Variants in SHANK2 observed in about 807,000 individuals in gnomAD.
The protein encoded by SHANK2 is SH3 and multiple ankyrin repeat domains 2, also known as SH3 and multiple ankyrin repeat domains protein 2.
In SHANK2, 43 loss-of-function variants were observed where a neutral mutation model predicts 133.7. The observed-to-expected ratio is 0.32, with a 90% CI of 0.25 to 0.41. The LOEUF (loss-of-function observed/expected upper bound fraction) is 0.41, where lower values mean the gene tolerates loss of function less well. Among genes scored for constraint, SHANK2 ranks in the 10% least tolerant of loss-of-function variants. The probability of loss-of-function intolerance (pLI) is 1.00; values close to 1 mark genes in which losing one functional copy is unlikely to be tolerated. For missense variants in SHANK2, 1,994 were observed against 2,235.8 expected, an observed-to-expected ratio of 0.89 and a Z score of 2.18; for synonymous variants, 1,017 against 952.8, an observed-to-expected ratio of 1.07 and a Z score of -1.24.
chr11:70,473,477 G>C lies in SHANK2; in HGVS notation c.4980-38C>G. On this transcript the variant is annotated intron_variant, in intron 25 of 25. Transcript: ENST00000601538. The surrounding 1 kb of genome is among the most constrained non-coding windows in gnomAD (Gnocchi z 5.9). ...CACAGAGAAAACCATCACAAGGCAG[G>C]TCACCGAGTCAGGGCAGCTGGCTGC... The C allele has an allele frequency of 6.3e-7, 1 of 1,593,966 alleles. No individual in the cohort carries two copies. The highest frequency in any genetic ancestry group is 1.1e-5 in the South Asian group (1 of 90,780).
Position 70,948,825 on chromosome 11 carries a change from T to A in SHANK2, c.1108-52258A>T, listed in dbSNP as rs61563254. ...AGAGAAGCTGGAAAGCTGAATTTTT[T>A]AATGAAATTCCTGGAAGTTTAAATA... On this transcript the variant is annotated intron_variant, in intron 10 of 25. Coordinates refer to ENST00000601538, the MANE Select transcript of SHANK2 (RefSeq NM_012309.5). Among the ~76,000 whole-genome samples the A allele has an allele frequency of 7.3e-3, 1,117 of 152,362 alleles. 9 individuals are homozygous for A. Among genetic ancestry groups the A allele is most frequent in the African/African-American group, 0.024 (986 of 41,576 alleles).
chr11:70,536,084 G>A (rs141937179), intron 17 of SHANK2, among the ~76,000 whole-genome samples: 18 of 152,304 alleles, frequency 1.2e-4, no homozygotes, highest in East Asian at 9.7e-4. Context: ...CCCAGCCACC[G>A]ACAGCACCAT....
In SHANK2 at chr11:71,188,105, C is replaced by T. The variant is rs912292632; in HGVS notation, c.-13+36592G>A. The stretch of plus-strand genomic sequence containing the variant: ...TCCTTGCCACCACACATCTGCTCCT[C>T]CCATTAGAAACTGAGACATCACCGG... On this transcript the variant is annotated intron_variant, in intron 2 of 25. Coordinates refer to ENST00000601538, the MANE Select transcript of SHANK2 (RefSeq NM_012309.5). The surrounding 1 kb of genome is among the most constrained non-coding windows in gnomAD (Gnocchi z 4.6). 2.6e-5 allele frequency among the ~76,000 whole-genome samples: 4 copies of T among 152,184 alleles called. No homozygotes were observed. The highest frequency in any genetic ancestry group is 9.7e-5 in the African/African-American group (4 of 41,434).
At chr11:70,565,834 A>G (rs1217714254) in intron 17 of SHANK2, among the ~76,000 whole-genome samples, 1 of 152,144 alleles carries the variant, frequency 6.6e-6, no homozygotes, top group African/African-American at 2.4e-5. Context: ...AGGCATTATT[A>G]TTATTATTTT....
chr11:70,599,057 G>A lies in SHANK2; in HGVS notation c.2061+60771C>T, dbSNP rs1381660135. Among the ~76,000 whole-genome samples the A allele has an allele frequency of 8.1e-5, 12 of 148,922 alleles. No individual in the cohort carries two copies. The South Asian group carries it at 8.4e-4, about 10-fold the overall frequency. On this transcript the variant is annotated intron_variant, in intron 17 of 25. Transcript: ENST00000601538. Reference sequence around the variant, plus strand: ...CATTTTATTGCAGGTCCTAGCTAGCGGAGAAAAAAAGAGAAAGGAAGAAAA... The same window carrying A: ...CATTTTATTGCAGGTCCTAGCTAGCAGAGAAAAAAAGAGAAAGGAAGAAAA...
At chr11:70,562,644 C>T (rs978596087) in intron 17 of SHANK2, among the ~76,000 whole-genome samples, 1 of 152,082 alleles carries the variant, frequency 6.6e-6, no homozygotes, top group Non-Finnish European at 1.5e-5. Context: ...ACTTTTAACT[C>T]TTTTGTGTCT....
chr11:70,672,814 G>A (rs1335237173), intron 15 of SHANK2, among the ~76,000 whole-genome samples: 2 of 152,212 alleles, frequency 1.3e-5, no homozygotes, highest in African/African-American at 4.8e-5. Context: ...AGCCTTGGAT[G>A]GTGCCAGCCA....
At chr11:70,827,677 T>C (rs369237353) in intron 11 of SHANK2, among the ~76,000 whole-genome samples, 6 of 115,606 alleles carry the variant, frequency 5.2e-5, no homozygotes, top group South Asian at 6.5e-4. Context: ...AGAGAACTGC[T>C]TCAGAAATTT....
At chr11:71,163,327 G>A (rs1305405708) in intron 2 of SHANK2, among the ~76,000 whole-genome samples, 3 of 152,046 alleles carry the variant, frequency 2.0e-5, no homozygotes, top group Non-Finnish European at 2.9e-5. Flanking sequence ...AGATGACCAT[G>A]GCACAGGGTC....
chr11:70,711,238 C>G (rs1945775310), intron 14 of SHANK2, among the ~76,000 whole-genome samples: 2 of 152,204 alleles, frequency 1.3e-5, no homozygotes, highest in Non-Finnish European at 2.9e-5. Context: ...CTCTGGCCAC[C>G]CTTCCTGCCG....
intron 14 of SHANK2, among the ~76,000 whole-genome samples, chr11:70,761,938 C>G (rs1947006417): frequency 6.6e-6 from 1 of 152,206 alleles, no homozygotes; most frequent in Non-Finnish European, 1.5e-5. Context: ...GCTGCTGCTG[C>G]TGGTCTGGGG....
chr11:70,715,389 C>T (rs528463040), intron 14 of SHANK2, among the ~76,000 whole-genome samples: 3 of 152,166 alleles, frequency 2.0e-5, no homozygotes, highest in Non-Finnish European at 4.4e-5. Context: ...GCACCCAGTG[C>T]CTATGGGGAG....
intron 10 of SHANK2, among the ~76,000 whole-genome samples, chr11:70,907,481 G>A (rs899665298): frequency 6.6e-6 from 1 of 152,218 alleles, no homozygotes; most frequent in South Asian, 2.1e-4. Context: ...TCAGGCTCCT[G>A]AAACTGAGAA....
At chr11:71,100,780 T>C (rs1051723523) in intron 6 of SHANK2, among the ~76,000 whole-genome samples, 1 of 151,510 alleles carries the variant, frequency 6.6e-6, no homozygotes, top group East Asian at 1.9e-4. Context: ...GGCAGGAGAA[T>C]TGCTTGAACC....
rs558158336 is a variant in SHANK2 at position 70,863,734 on chromosome 11, C to T, written c.1174+32767G>A. 9.0e-4 allele frequency: 397 copies of T among 440,896 alleles called. 5 individuals carry two copies. In the Middle Eastern group the frequency reaches 0.011, roughly 12 times the overall value. 27.3% of individuals were successfully genotyped at this position (440,896 alleles called of 1,614,324 possible). The stretch of plus-strand genomic sequence containing the variant: ...TCTTTATTTGGAGATGAGATCTTTA[C>T]AGCTACAGAGAGTCTTTAAAGTGGA... On this transcript the variant is annotated intron_variant, in intron 11 of 25. Transcript: ENST00000601538.
rs145560943 is a variant in SHANK2, at chr11:70,910,421, G to A, written c.1108-13854C>T. On this transcript the variant is annotated intron_variant, in intron 10 of 25. Transcript: ENST00000601538. ...GGTGGGAAGAGGCTACCGCACACTC[G>A]ATTGTCACAGATGGACACACAGGAG... Among the ~76,000 whole-genome samples the A allele has an allele frequency of 4.5e-3, 683 of 152,284 alleles. 8 individuals carry two copies. The highest frequency in any genetic ancestry group is 0.015 in the African/African-American group (634 of 41,544).
At chr11:71,102,996 C>T (rs931280531) in intron 6 of SHANK2, among the ~76,000 whole-genome samples, 5 of 152,218 alleles carry the variant, frequency 3.3e-5, no homozygotes, top group Non-Finnish European at 7.3e-5. Flanking sequence ...TTGCTGTGAC[C>T]TCACCTCACA....
At chr11:70,783,856 C>T (rs782550105) in intron 14 of SHANK2, among the ~76,000 whole-genome samples, 18 of 152,184 alleles carry the variant, frequency 1.2e-4, no homozygotes, top group South Asian at 4.1e-4. Flanking sequence ...CCCATCTATT[C>T]GGAAGGCCCG....
rs370625521 is a variant in SHANK2, at chr11:70,829,084, G to A, written c.1175-8402C>T. Among the ~76,000 whole-genome samples, 4 of 152,326 alleles carry A rather than the reference G, an allele frequency of 2.6e-5. No individual in the cohort carries two copies. In the South Asian group the frequency reaches 6.2e-4, roughly 24 times the overall value. Reference sequence around the variant, plus strand: ...CCTTGCCGGCCACGGAAGACCTTGGGTGGAGGGTGTAAGGAAGAAGCCACC... The same window carrying A: ...CCTTGCCGGCCACGGAAGACCTTGGATGGAGGGTGTAAGGAAGAAGCCACC... On this transcript the variant is annotated intron_variant, in intron 11 of 25. Transcript: ENST00000601538.
Sources: allele counts gnomAD v4.1 joint callset (sites outside exome capture counted in the v4.1 genomes callset), GRCh38; gene constraint gnomAD v4.1.1; non-coding constraint Gnocchi (gnomAD v3.1); transcripts MANE v1.5; gene names NCBI Gene and HGNC (gene_info 2026-07-23, HGNC 2026-07-21).